The following MLLT3 variants were observed in gnomAD, a reference collection of about 807,000 sequenced individuals.
MLLT3 encodes protein AF-9.
Under a neutral mutation model 53.2 loss-of-function variants are expected in MLLT3, and 4 were observed. That is an observed-to-expected ratio of 0.08 (90% CI 0.04 to 0.17). The LOEUF (loss-of-function observed/expected upper bound fraction) is 0.17, where lower values mean the gene tolerates loss of function less well. Ranked by LOEUF, MLLT3 falls within the 10% of genes least tolerant of loss-of-function variation. MLLT3 has a pLI of 1.00. For synonymous variants in MLLT3, 283 were observed against 230.6 expected (o/e 1.23, Z -2.06); for missense variants, 569 against 684.0 (o/e 0.83, Z 1.87).
intron 10 of MLLT3, among the ~76,000 whole-genome samples, chr9:20,348,839 C>G (rs760781804): frequency 6.6e-6 from 1 of 152,176 alleles, no homozygotes; most frequent in Non-Finnish European, 1.5e-5. Context: ...CACACACATA[C>G]AGAAACACAA....
intron 4 of MLLT3, among the ~76,000 whole-genome samples, chr9:20,434,252 T>C (rs1327423646): frequency 1.3e-5 from 2 of 152,216 alleles, no homozygotes; most frequent in East Asian, 3.9e-4. Context: ...ACTGTAGTTA[T>C]ATAAGAGAAT....
intron 2 of MLLT3, among the ~76,000 whole-genome samples, chr9:20,579,724 T>A (rs950243919): frequency 1.3e-5 from 2 of 152,124 alleles, no homozygotes; most frequent in African/African-American, 4.8e-5. Context: ...ACCCCACCCT[T>A]TTTACTCACT....
At chr9:20,585,739 G>A (rs906187820) in intron 2 of MLLT3, among the ~76,000 whole-genome samples, 1 of 152,156 alleles carries the variant, frequency 6.6e-6, no homozygotes, top group Non-Finnish European at 1.5e-5. Flanking sequence ...TCTTTTCACT[G>A]TTCTATTTCC....
rs752642106 is a variant in MLLT3, at chr9:20,622,282, G to GGTGTT, written c.-31_-27dup. ...GCCTGGGGGCCCGGAGGTTTGCTGG[G>GGTGTT]GTGTTGTGTGGTACCCCCCCCTCCT... On this transcript the variant is annotated 5_prime_UTR_variant, in exon 1 of 11. Coordinates refer to ENST00000380338, the MANE Select transcript of MLLT3 (RefSeq NM_004529.4). The GGTGTT allele has an allele frequency of 3.2e-5, 50 of 1,572,826 alleles. No individual in the cohort carries two copies. In the Middle Eastern group the frequency reaches 1.4e-3, roughly 43 times the overall value.
intron 2 of MLLT3, among the ~76,000 whole-genome samples, chr9:20,545,729 T>C (rs1818769194): frequency 6.6e-6 from 1 of 151,946 alleles, no homozygotes; most frequent in African/African-American, 2.4e-5. Context: ...TATTCAATTA[T>C]GAAAGGGGAC....
intron 2 of MLLT3, among the ~76,000 whole-genome samples, chr9:20,604,904 T>G (rs1008061078): frequency 1.3e-5 from 2 of 152,096 alleles, no homozygotes; most frequent in Non-Finnish European, 2.9e-5. Flanking sequence ...GTAAGTTGTA[T>G]CTTTTTTCTG....
intron 4 of MLLT3, among the ~76,000 whole-genome samples, chr9:20,442,699 A>ACGCTGG: frequency 6.6e-6 from 1 of 152,144 alleles, no homozygotes; most frequent in African/African-American, 2.4e-5. Flanking sequence ...GCCCTTTAAT[A>ACGCTGG]AGCAAAACCC....
intron 2 of MLLT3, among the ~76,000 whole-genome samples, chr9:20,469,781 T>A (rs946235652): frequency 6.6e-6 from 1 of 151,414 alleles, no homozygotes; most frequent in Middle Eastern, 3.4e-3. Context: ...TTTCACTGAG[T>A]CTGTTTTAAA....
intron 2 of MLLT3, among the ~76,000 whole-genome samples, chr9:20,568,438 T>C (rs960384724): frequency 2.0e-5 from 3 of 152,216 alleles, no homozygotes; most frequent in African/African-American, 7.2e-5. Context: ...CAGTATGCTT[T>C]TTGACAAGAA....
intron 2 of MLLT3, among the ~76,000 whole-genome samples, chr9:20,575,740 G>A (rs1254747685): frequency 1.3e-5 from 2 of 152,156 alleles, no homozygotes; most frequent in African/African-American, 2.4e-5. Flanking sequence ...GATATTGTAA[G>A]TAGATGTGCT....
At chr9:20,350,594 C>CAAAAAAA (rs774973521) in intron 10 of MLLT3, among the ~76,000 whole-genome samples, 11,083 of 120,914 alleles carry the variant, frequency 0.092, 846 homozygotes, top group Non-Finnish European at 0.12. Context: ...GACTCCGTCT[C>CAAAAAAA]AAAAAAAGAA....
intron 2 of MLLT3, among the ~76,000 whole-genome samples, chr9:20,473,652 C>G (rs948143717): frequency 6.6e-6 from 1 of 151,978 alleles, no homozygotes; most frequent in East Asian, 1.9e-4. Flanking sequence ...CCAGATAATA[C>G]TCAAACATTT....
At chr9:20,533,669 A>G (rs1450514833) in intron 2 of MLLT3, among the ~76,000 whole-genome samples, 5 of 152,246 alleles carry the variant, frequency 3.3e-5, no homozygotes. Flanking sequence ...GTGTCCATCC[A>G]CAGATGAATA....
rs76134128 is a variant in MLLT3 at position 20,608,094 on chromosome 9, C to T, written c.193+12560G>A. Among the ~76,000 whole-genome samples, 372 of 151,908 alleles carry T rather than the reference C, an allele frequency of 2.4e-3. 1 individual carries two copies. The highest frequency in any genetic ancestry group is 0.01 in the Middle Eastern group (3 of 294). On this transcript the variant is annotated intron_variant, in intron 2 of 10. Coordinates refer to ENST00000380338, the MANE Select transcript of MLLT3 (RefSeq NM_004529.4). ...GCCCTAAATCTTTTTTTCTCTATGC[C>T]TTATGTTTGGTACTTGTTTTGGTAC...
In MLLT3 at chr9:20,622,376, A is replaced by G. The variant is rs1403359985; in HGVS notation, c.-120T>C. The G allele has an allele frequency of 3.3e-6, 3 of 912,278 alleles. No homozygotes were observed. Among genetic ancestry groups the G allele is most frequent in the African/African-American group, 1.7e-5 (1 of 58,112 alleles). The allele number at this position is 912,278 out of a possible 1,614,324, so 56.5% of individuals were successfully genotyped here. A position where few individuals can be genotyped will look rare whatever the true frequency, so the allele number is the denominator to read the frequency against. On this transcript the variant is annotated 5_prime_UTR_variant, in exon 1 of 11. Transcript: ENST00000380338. ...GAGAGCGCGCCCAGGAGCGGAGGGT[A>G]GATGGCGGACATTCTCTGCCTTTTT...
intron 2 of MLLT3, among the ~76,000 whole-genome samples, chr9:20,568,993 G>T (rs1819455569): frequency 6.6e-6 from 1 of 152,038 alleles, no homozygotes; most frequent in South Asian, 2.1e-4. Flanking sequence ...CAAACACAAA[G>T]ATAATAATTC....
intron 2 of MLLT3, among the ~76,000 whole-genome samples, chr9:20,572,937 G>C (rs1022819483): frequency 1.3e-5 from 2 of 152,104 alleles, no homozygotes; most frequent in African/African-American, 4.8e-5. Context: ...TCAAAGATGT[G>C]TTTTCTCCAT....
At chr9:20,475,198 T>C (rs917118442) in intron 2 of MLLT3, among the ~76,000 whole-genome samples, 3 of 152,124 alleles carry the variant, frequency 2.0e-5, no homozygotes, top group African/African-American at 7.2e-5. Context: ...GCAGCTCTAG[T>C]AGGAAACTCA....
At chr9:20,534,816 G>A (rs931997000) in intron 2 of MLLT3, among the ~76,000 whole-genome samples, 1 of 152,104 alleles carries the variant, frequency 6.6e-6, no homozygotes, top group African/African-American at 2.4e-5. Flanking sequence ...AACCCAGGAG[G>A]CAGAGCTTGC....
Sources: allele counts gnomAD v4.1 joint callset (sites outside exome capture counted in the v4.1 genomes callset), GRCh38; gene constraint gnomAD v4.1.1; transcripts MANE v1.5; gene names NCBI Gene and HGNC (gene_info 2026-07-23, HGNC 2026-07-21).